Variants in UGT1A10 observed in about 807,000 individuals in gnomAD.
The protein encoded by UGT1A10 is UDP-glucuronosyltransferase 1A10.
Under a neutral mutation model 45.8 loss-of-function variants are expected in UGT1A10, and 49 were observed. That is an observed-to-expected ratio of 1.07 (90% confidence interval 0.85 to 1.36). The LOEUF (loss-of-function observed/expected upper bound fraction) is 1.36, where lower values mean the gene tolerates loss of function less well. Among genes scored for constraint, UGT1A10 ranks in the 40% most tolerant of loss-of-function variants. The probability of loss-of-function intolerance (pLI) is 0.00; values close to 1 mark genes in which losing one functional copy is unlikely to be tolerated. For synonymous variants in UGT1A10, 284 were observed against 249.7 expected, an observed-to-expected ratio of 1.14 and a Z score of -1.29; for missense variants, 745 against 668.6, an observed-to-expected ratio of 1.11 and a Z score of -1.26.
chr2:233,723,213 CT>C (rs201420005), intron 1 of UGT1A10, among the ~76,000 whole-genome samples: 4,186 of 88,020 alleles, frequency 0.048, 123 homozygotes, highest in African/African-American at 0.1. Context: ...TCAAAACTGA[CT>C]TTTTTTTTTT....
chr2:233,765,010 C>G (rs940800648), intron 1 of UGT1A10, among the ~76,000 whole-genome samples: 10 of 152,056 alleles, frequency 6.6e-5, no homozygotes, highest in Non-Finnish European at 1.2e-4. Context: ...TGTTCCAAAT[C>G]AGGCTTGGCA....
At position 233,768,432 on chromosome 2, in the gene UGT1A10, G is replaced by C; in HGVS notation, c.1288G>C (p.Asp430His). 6.2e-7 allele frequency: 1 copy of C among 1,613,814 alleles called. No individual in the cohort carries two copies. Among genetic ancestry groups the C allele is most frequent in the Non-Finnish European group, 8.5e-7 (1 of 1,179,896 alleles). The change falls in exon 4 of 5, where the codon GAC becomes CAC. Residue 430 changes from aspartate to histidine, a missense_variant. Physicochemically the swap from Asp to His is moderately conservative, Grantham distance 81. Coordinates refer to ENST00000344644, the MANE Select transcript of UGT1A10 (RefSeq NM_019075.4). ...AAATGCTCTAAAAGCAGTCATCAAT[G>C]ACAAAAGGTAAGAAAGAAGATACAG... is the stretch of plus-strand genomic sequence containing the variant. The part of the protein sequence containing the change: ...LENALKAVIN[D>H]KSYKENIMRL...
At chr2:233,747,436 T>C (rs1449782015) in intron 1 of UGT1A10, 22 of 1,608,824 alleles carry the variant, frequency 1.4e-5, no homozygotes, top group African/African-American at 2.7e-5. Flanking sequence ...GAGAAATTTT[T>C]CACCCTGACA....
chr2:233,708,846 T>C (rs1327705614), intron 1 of UGT1A10: 1 of 152,164 alleles, frequency 6.6e-6, no homozygotes, highest in East Asian at 1.9e-4. Context: ...GCAGGGCTTT[T>C]CTTTTTTAAT....
chr2:233,743,959 C>G (rs371517697), intron 1 of UGT1A10: 3 of 1,333,990 alleles, frequency 2.2e-6, no homozygotes, highest in Admixed American at 2.0e-5. Flanking sequence ...GCACAGCGAG[C>G]GGCAAGGCTG....
intron 1 of UGT1A10, among the ~76,000 whole-genome samples, chr2:233,655,020 T>C (rs1343483668): frequency 6.6e-6 from 1 of 151,894 alleles, no homozygotes; most frequent in African/African-American, 2.4e-5. Flanking sequence ...ACCTGGAAGA[T>C]GGAGGTTGCA....
At position 233,637,278 on chromosome 2, in the gene UGT1A10, G is replaced by T. The variant is rs773873171; in HGVS notation, c.756G>T (p.Leu252Phe). 42 of 1,613,814 alleles carry T rather than the reference G, an allele frequency of 2.6e-5. No homozygotes were observed. Among genetic ancestry groups the T allele is most frequent in the Non-Finnish European group, 3.3e-5 (39 of 1,179,880 alleles). Residue 252 changes from leucine (L) to phenylalanine (F), a missense_variant, in exon 1 of 5, where the codon TTG becomes TTT. Leu to Phe is a conservative substitution (Grantham distance 22). Coordinates refer to ENST00000344644, the MANE Select transcript of UGT1A10 (RefSeq NM_019075.4). ...YDLYSHTSIWLLRTDFVLDYP... is the reference protein window; with the variant it reads ...YDLYSHTSIWFLRTDFVLDYP... ...TCTACAGTCACACATCAATTTGGTT[G>T]TTGCGAACGGACTTTGTTTTGGACT...
intron 3 of UGT1A10, 27 bp downstream of exon 3, chr2:233,767,963 G>A: frequency 1.2e-6 from 2 of 1,614,136 alleles, no homozygotes; most frequent in Non-Finnish European, 1.7e-6. Context: ...GGATGTATAG[G>A]TCAAACCAGG....
At chr2:233,766,358 C>G (rs1222221070) in intron 1 of UGT1A10, among the ~76,000 whole-genome samples, 1 of 152,148 alleles carries the variant, frequency 6.6e-6, no homozygotes, top group Non-Finnish European at 1.5e-5. Context: ...CTGCCGGTGC[C>G]TGTTGGTGAG....
intron 1 of UGT1A10, chr2:233,682,682 T>A: frequency 6.2e-7 from 1 of 1,613,870 alleles, no homozygotes; most frequent in Non-Finnish European, 8.5e-7. Flanking sequence ...CAGCCACACA[T>A]CAATTTGGTT....
chr2:233,724,297 C>A (rs2077212322), intron 1 of UGT1A10, among the ~76,000 whole-genome samples: 2 of 146,144 alleles, frequency 1.4e-5, no homozygotes, highest in South Asian at 4.7e-4. Flanking sequence ...GCTGACCCCC[C>A]CACCTCCCTC....
intron 1 of UGT1A10, among the ~76,000 whole-genome samples, chr2:233,726,093 G>T (rs2077501561): frequency 6.6e-6 from 1 of 152,308 alleles, no homozygotes; most frequent in South Asian, 2.1e-4. Context: ...TTGATCCGAG[G>T]AGGTGGAGGC....
intron 1 of UGT1A10, among the ~76,000 whole-genome samples, chr2:233,702,165 C>T (rs769310963): frequency 1.3e-5 from 2 of 152,160 alleles, no homozygotes; most frequent in Non-Finnish European, 2.9e-5. Flanking sequence ...TTATCAGTCA[C>T]TCTTCTTTCT....
chr2:233,756,378 T>C (rs367582243), intron 1 of UGT1A10: 2 of 152,250 alleles, frequency 1.3e-5, no homozygotes, highest in South Asian at 2.1e-4. Flanking sequence ...GCTATGTAAA[T>C]AGTTGTTTTA....
intron 1 of UGT1A10, among the ~76,000 whole-genome samples, chr2:233,640,522 A>C (rs940848387): frequency 3.9e-5 from 6 of 152,180 alleles, no homozygotes; most frequent in Admixed American, 2.0e-4. Flanking sequence ...CTCATACAAC[A>C]TCTTTTTATG....
chr2:233,715,089 T>C (rs1480789668), intron 1 of UGT1A10, among the ~76,000 whole-genome samples: 2 of 152,174 alleles, frequency 1.3e-5, no homozygotes, highest in East Asian at 3.9e-4. Flanking sequence ...TTTCATCATA[T>C]TGGCCAGGCT....
At chr2:233,732,002 T>C (rs950186664) in intron 1 of UGT1A10, among the ~76,000 whole-genome samples, 3 of 152,234 alleles carry the variant, frequency 2.0e-5, no homozygotes, top group South Asian at 2.1e-4. Context: ...TGGTATCTCA[T>C]TGTGGTTTTG....
intron 1 of UGT1A10, among the ~76,000 whole-genome samples, chr2:233,761,373 T>G (rs1041958865): frequency 6.6e-6 from 1 of 152,254 alleles, no homozygotes; most frequent in Middle Eastern, 3.2e-3. Context: ...TTGGACATTT[T>G]ACTCTGTGTG....
At chr2:233,676,444 TG>T (rs1282482436) in intron 1 of UGT1A10, among the ~76,000 whole-genome samples, 5 of 152,234 alleles carry the variant, frequency 3.3e-5, no homozygotes, top group Non-Finnish European at 7.3e-5. Flanking sequence ...CATGTTTCTA[TG>T]GCACATCCAT....
Sources: gnomAD v4.1 joint callset for allele counts (sites outside exome capture counted in the v4.1 genomes callset) on GRCh38, gnomAD v4.1.1 for gene constraint, MANE v1.5 for transcripts, NCBI Gene and HGNC (gene_info 2026-07-23, HGNC 2026-07-21) for gene names.